The following ANGPT2 variants were observed in gnomAD, a reference collection of about 807,000 sequenced individuals.
ANGPT2 encodes the protein angiopoietin-2.
A neutral mutation model predicts 62.9 loss-of-function variants in ANGPT2; 28 were observed. That is an observed-to-expected ratio of 0.44 (90% CI 0.33 to 0.61). ANGPT2 has a LOEUF of 0.61. Ranked by LOEUF, ANGPT2 falls within the 20% of genes least tolerant of loss-of-function variation. The pLI is 0.03. For synonymous variants in ANGPT2, 284 were observed against 207.8 expected (o/e 1.37, Z -3.15); for missense variants, 727 against 594.9 (o/e 1.22, Z -2.31).
In ANGPT2 at chr8:6,513,679, T is replaced by C. The variant is rs776928478; in HGVS notation, c.1195A>G (p.Arg399Gly). ...TTCAATTACCATGAACTCACTTACC[T>C]ATAATTGAGTTCTTCACTTGAGAGA... ...FYLSSEELNY[R>G]IHLKGLTGTA... Residue 399 changes from arginine to glycine, a missense_variant and splice_region_variant, in exon 7 of 9, where the codon AGG becomes GGG. Physicochemically the swap from Arg to Gly is moderately radical, Grantham distance 125. Transcript: ENST00000629816. The C allele has an allele frequency of 1.9e-6, 3 of 1,607,530 alleles. No individual in the cohort carries two copies. Among genetic ancestry groups the C allele is most frequent in the South Asian group, 1.1e-5 (1 of 89,030 alleles).
chr8:6,517,765 C>G (rs1586296430), intron 5 of ANGPT2, among the ~76,000 whole-genome samples: 1 of 152,184 alleles, frequency 6.6e-6, no homozygotes, highest in Non-Finnish European at 1.5e-5. Context: ...GGTTAAATGA[C>G]TCGCCCAGAG....
intron 1 of ANGPT2, among the ~76,000 whole-genome samples, chr8:6,546,947 C>A (rs1376733572): frequency 6.6e-6 from 1 of 152,218 alleles, no homozygotes; most frequent in Admixed American, 6.5e-5. Flanking sequence ...AGCCATGTTC[C>A]TTGCAAGCTG....
At chr8:6,539,249 G>A (rs761180553) in intron 1 of ANGPT2, among the ~76,000 whole-genome samples, 10 of 152,222 alleles carry the variant, frequency 6.6e-5, no homozygotes, top group African/African-American at 9.6e-5. Flanking sequence ...GACGTGGGAA[G>A]CAAGTTTTCT....
Position 6,505,328 on chromosome 8 carries a change from C to CTTTCT in ANGPT2, c.1328-2068_1328-2067insAGAAA, listed in dbSNP as rs1479678827. On this transcript the variant is annotated intron_variant, in intron 8 of 8. Coordinates refer to ENST00000629816, the MANE Select transcript of ANGPT2 (RefSeq NM_001118887.2). ...GTATATAACATATATATGTTATATA[C>CTTTCT]ATATAGAAAGAATATATATATTCTT... 7.1e-3 allele frequency among the ~76,000 whole-genome samples: 346 copies of CTTTCT among 48,498 alleles called. 57 individuals are homozygous for CTTTCT. Among genetic ancestry groups the CTTTCT allele is most frequent in the African/African-American group, 0.041 (335 of 8,192 alleles). The allele number at this position is 48,498 out of a possible 152,430, so 31.8% of individuals were successfully genotyped here. A position where few individuals can be genotyped will look rare whatever the true frequency, so the allele number is the denominator to read the frequency against.
chr8:6,508,736 G>T (rs942510857), intron 8 of ANGPT2, 196 bp downstream of exon 8: 1 of 741,462 alleles, frequency 1.3e-6, no homozygotes. Flanking sequence ...GACAAGTCTA[G>T]CTCCATATCA....
At chr8:6,555,092 C>G (rs1418065749) in intron 1 of ANGPT2, among the ~76,000 whole-genome samples, 1 of 152,094 alleles carries the variant, frequency 6.6e-6, no homozygotes, top group African/African-American at 2.4e-5. Context: ...TACTGGTATT[C>G]TAAACCACTA....
At chr8:6,511,632 G>T (rs528244217) in intron 7 of ANGPT2, among the ~76,000 whole-genome samples, 1 of 152,260 alleles carries the variant, frequency 6.6e-6, no homozygotes, top group East Asian at 1.9e-4. Context: ...TCCCTTCACA[G>T]TTCTCTTATC....
intron 1 of ANGPT2, among the ~76,000 whole-genome samples, chr8:6,543,306 A>T (rs1445369081): frequency 6.6e-6 from 1 of 152,124 alleles, no homozygotes; most frequent in African/African-American, 2.4e-5. Flanking sequence ...CCGTCCGCAA[A>T]TGTGTTTGTA....
At chr8:6,514,293 G>A (rs1815793699) in intron 6 of ANGPT2, among the ~76,000 whole-genome samples, 2 of 152,122 alleles carry the variant, frequency 1.3e-5, no homozygotes, top group East Asian at 1.9e-4. Context: ...AGGTTCAAGC[G>A]ATTCTCCTGC....
chr8:6,559,019 G>GTAAT (rs1372119911), intron 1 of ANGPT2, among the ~76,000 whole-genome samples: 1 of 151,960 alleles, frequency 6.6e-6, no homozygotes, highest in Non-Finnish European at 1.5e-5. Context: ...TTACTATATA[G>GTAAT]TAATACTAAC....
In ANGPT2 at chr8:6,562,782, G is replaced by C; in HGVS notation, c.153C>G (p.Asp51Glu). The change falls in exon 1 of 9, where the codon GAC (aspartate) becomes GAG (glutamate). Residue 51 changes from aspartate (D) to glutamate (E), a missense_variant. Coordinates refer to ENST00000629816, the MANE Select transcript of ANGPT2 (RefSeq NM_001118887.2). ...AGGGGCTGGAGGAAGAGCGGCAGTT[G>C]TCCATCTCTGGCAGGAGGAAAGTGT... is the stretch of plus-strand genomic sequence containing the variant. Reference protein sequence around the residue: ...CSYTFLLPEMDNCRSSSSPYV... With the variant: ...CSYTFLLPEMENCRSSSSPYV... The C allele has an allele frequency of 3.1e-6, 5 of 1,613,466 alleles. No individual in the cohort carries two copies. The highest frequency in any genetic ancestry group is 4.2e-6 in the Non-Finnish European group (5 of 1,179,844).
chr8:6,557,060 C>T lies in ANGPT2; in HGVS notation c.288+5587G>A, dbSNP rs541160686. ...GGTGGGCGGGGTCATATGGTGTTCA[C>T]TCACTTACGCTAATGAACTGAGAAA... On this transcript the variant is annotated intron_variant, in intron 1 of 8. Coordinates refer to ENST00000629816, the MANE Select transcript of ANGPT2 (RefSeq NM_001118887.2). 2.0e-5 allele frequency among the ~76,000 whole-genome samples: 3 copies of T among 152,340 alleles called. No homozygotes were observed. The East Asian group carries it at 5.8e-4, about 29-fold the overall frequency.
At chr8:6,509,181 C>G in intron 7 of ANGPT2, 119 bp from the exon 8 acceptor site, 1 of 1,267,060 alleles carries the variant, frequency 7.9e-7, no homozygotes. Flanking sequence ...CGTTAATGGA[C>G]TAATGCATAC....
intron 3 of ANGPT2, among the ~76,000 whole-genome samples, chr8:6,524,766 C>T (rs1182164813): frequency 1.3e-5 from 2 of 152,198 alleles, no homozygotes; most frequent in African/African-American, 4.8e-5. Context: ...ACCCTTGTGG[C>T]CATGTAAGGT....
chr8:6,534,245 G>A (rs1218225768), intron 1 of ANGPT2, among the ~76,000 whole-genome samples: 1 of 151,972 alleles, frequency 6.6e-6, no homozygotes, highest in Non-Finnish European at 1.5e-5. Flanking sequence ...AACAAAAATT[G>A]TAAAACAATA....
chr8:6,555,465 C>CA (rs1189945092), intron 1 of ANGPT2, among the ~76,000 whole-genome samples: 24 of 142,634 alleles, frequency 1.7e-4, no homozygotes, highest in African/African-American at 6.0e-4. Flanking sequence ...GTGGTTTGCC[C>CA]TTTTTTTTTT....
Position 6,508,558 on chromosome 8 carries a change from T to C in ANGPT2, c.1327+374A>G, listed in dbSNP as rs942456806. Reference sequence around the variant, plus strand: ...GTTGGAAATATTTCTATAATCTATATTACTGTTGTGGTTGCTACTTGGAAT... The same window carrying C: ...GTTGGAAATATTTCTATAATCTATACTACTGTTGTGGTTGCTACTTGGAAT... On this transcript the variant is annotated intron_variant, in intron 8 of 8. Transcript: ENST00000629816. 4 of 387,426 alleles carry C rather than the reference T, an allele frequency of 1.0e-5. No homozygotes were observed. The Admixed American group carries it at 1.7e-4, about 17-fold the overall frequency. 24.0% of individuals were successfully genotyped at this position (387,426 alleles called of 1,614,324 possible).
At chr8:6,562,572 G>GTTGTTGTT (rs1491167455) in intron 1 of ANGPT2, 75 bp downstream of exon 1, 40 of 43,308 alleles carry the variant, frequency 9.2e-4, no homozygotes, top group African/African-American at 6.3e-3. Flanking sequence ...TTTTTTTTTT[G>GTTGTTGTT]GTTGTTAAAA....
rs190512970 is a variant in ANGPT2 at position 6,523,029 on chromosome 8, G to C, written c.567-1619C>G. Among the ~76,000 whole-genome samples the C allele has an allele frequency of 2.9e-3, 432 of 151,008 alleles. 1 individual carries two copies. The highest frequency in any genetic ancestry group is 0.021 in the Middle Eastern group (6 of 292). On this transcript the variant is annotated intron_variant, in intron 3 of 8. Transcript: ENST00000629816. ...TTTTCTTTTTTTGAGATGGAGTCTC[G>C]CTCTGTCACCCAGACTGGAGTGCAA...
Sources: gnomAD v4.1 joint callset for allele counts (sites outside exome capture counted in the v4.1 genomes callset) on GRCh38, gnomAD v4.1.1 for gene constraint, MANE v1.5 for transcripts, NCBI Gene and HGNC (gene_info 2026-07-23, HGNC 2026-07-21) for gene names.